The following RANBP2 variants were observed in gnomAD, a reference collection of about 807,000 sequenced individuals.
RANBP2 encodes RAN binding protein 2, also known as E3 SUMO-protein ligase RanBP2.
A neutral mutation model predicts 303.6 loss-of-function variants in RANBP2; 57 were observed. The ratio of observed to expected loss-of-function variants is 0.19; its 90% CI spans 0.15 to 0.23. The LOEUF (loss-of-function observed/expected upper bound fraction) is 0.23, where lower values mean the gene tolerates loss of function less well. RANBP2 is among the 10% of genes least tolerant of loss of function. RANBP2 has a pLI of 1.00. For missense variants in RANBP2, 3,138 were observed against 3,780.8 expected (o/e 0.83, Z 4.46); for synonymous variants, 1,167 against 1,301.5 (o/e 0.90, Z 2.23).
the RANBP2 span, among the ~76,000 whole-genome samples, chr2:109,041,017 C>G: frequency 1.3e-5 from 2 of 150,944 alleles, no homozygotes; most frequent in Non-Finnish European, 3.0e-5. Context: ...GATTGCGCCA[C>G]TGCACTCCAG....
chr2:109,701,837 C>T, the RANBP2 span, among the ~76,000 whole-genome samples: 1 of 152,314 alleles, frequency 6.6e-6, no homozygotes, highest in African/African-American at 2.4e-5. Context: ...CCTTTCACAA[C>T]CTTTACTTGA....
chr2:108,757,790 G>A (rs370440471), intron 17 of RANBP2, among the ~76,000 whole-genome samples: 2 of 152,268 alleles, frequency 1.3e-5, no homozygotes, highest in East Asian at 1.9e-4. Flanking sequence ...TGTCTTGGCT[G>A]GAGGTGAACG....
chr2:108,829,116 C>T, the RANBP2 span, among the ~76,000 whole-genome samples: 1 of 152,090 alleles, frequency 6.6e-6, no homozygotes, highest in East Asian at 1.9e-4. Context: ...ACATCAAAAG[C>T]ACAAGCAATA....
At chr2:109,351,669 G>A in the RANBP2 span, among the ~76,000 whole-genome samples, 1 of 152,240 alleles carries the variant, frequency 6.6e-6, no homozygotes, top group Admixed American at 6.5e-5. Context: ...TTCTCAGAGA[G>A]TGCCCGCTGA....
intron 18 of RANBP2, among the ~76,000 whole-genome samples, chr2:108,760,548 C>T (rs1676654967): frequency 2.0e-5 from 3 of 152,110 alleles, no homozygotes; most frequent in Admixed American, 2.0e-4. Flanking sequence ...CCACTAGTAT[C>T]TGATAGTGCC....
the RANBP2 span, among the ~76,000 whole-genome samples, chr2:109,331,836 G>GC: frequency 6.6e-6 from 1 of 152,106 alleles, no homozygotes; most frequent in Admixed American, 6.5e-5. Flanking sequence ...TTTGCCAGGG[G>GC]CACCCTGTCA....
At chr2:109,111,065 T>A in the RANBP2 span, among the ~76,000 whole-genome samples, 206 of 152,294 alleles carry the variant, frequency 1.4e-3, no homozygotes, top group Non-Finnish European at 1.5e-3. Flanking sequence ...AGCAGTACCC[T>A]AGCTAGTGCA....
chr2:108,974,329 C>CAAAAAAAAA, the RANBP2 span, among the ~76,000 whole-genome samples: 1 of 61,496 alleles, frequency 1.6e-5, no homozygotes, highest in Non-Finnish European at 2.7e-5. Context: ...GGATCCGTCT[C>CAAAAAAAAA]AAAAAAAAAA....
chr2:109,514,570 G>A, the RANBP2 span, among the ~76,000 whole-genome samples: 3 of 152,210 alleles, frequency 2.0e-5, no homozygotes. Context: ...TGTGGGACCA[G>A]GGCCGTCCCT....
the RANBP2 span, chr2:109,141,355 C>T: frequency 2.0e-5 from 3 of 152,624 alleles, no homozygotes; most frequent in African/African-American, 7.2e-5. Context: ...GCCTGGGTCC[C>T]TCTTCCTCCA....
chr2:108,982,100 C>G, the RANBP2 span, among the ~76,000 whole-genome samples: 1 of 152,240 alleles, frequency 6.6e-6, no homozygotes, highest in South Asian at 2.1e-4. Context: ...CCTATTTCCT[C>G]CTTTCAATGC....
At chr2:109,218,065 G>T in the RANBP2 span, among the ~76,000 whole-genome samples, 1 of 152,128 alleles carries the variant, frequency 6.6e-6, no homozygotes, top group East Asian at 1.9e-4. Flanking sequence ...TGCGGGGAGG[G>T]GTGCTGTGTT....
At chr2:108,941,631 G>A in the RANBP2 span, among the ~76,000 whole-genome samples, 3,601 of 152,292 alleles carry the variant, frequency 0.024, 79 homozygotes, top group African/African-American at 0.057. Flanking sequence ...CCTTGGCCCA[G>A]AGGCACCCAG....
chr2:108,753,759 C>T (rs1250644468), intron 14 of RANBP2, 66 bp from the exon 15 acceptor site: 40 of 1,610,940 alleles, frequency 2.5e-5, no homozygotes, highest in South Asian at 7.7e-5. Flanking sequence ...AGCCACCATG[C>T]GTGGCCAAGC....
At chr2:109,396,471 C>T in the RANBP2 span, among the ~76,000 whole-genome samples, 3 of 152,254 alleles carry the variant, frequency 2.0e-5, no homozygotes, top group Non-Finnish European at 2.9e-5. Context: ...AGCCACCCTG[C>T]TCCTGTGATC....
chr2:108,994,937 C>G, the RANBP2 span, among the ~76,000 whole-genome samples: 1 of 150,234 alleles, frequency 6.7e-6, no homozygotes, highest in Non-Finnish European at 1.5e-5. Flanking sequence ...TCACGCCATT[C>G]TCCTGCCTCA....
At chr2:109,266,163 A>G in the RANBP2 span, among the ~76,000 whole-genome samples, 2 of 136,190 alleles carry the variant, frequency 1.5e-5, no homozygotes, top group East Asian at 2.2e-4. Flanking sequence ...TGTGTTGTGT[A>G]TGGTGTGTGT....
At chr2:109,012,688 G>A in the RANBP2 span, among the ~76,000 whole-genome samples, 2 of 152,224 alleles carry the variant, frequency 1.3e-5, no homozygotes, top group African/African-American at 4.8e-5. Flanking sequence ...GCCGAGGCGG[G>A]TGGATCACGA....
At chr2:109,301,568 C>T in the RANBP2 span, among the ~76,000 whole-genome samples, 4 of 152,316 alleles carry the variant, frequency 2.6e-5, no homozygotes, top group East Asian at 7.7e-4. Context: ...CAGCCTCTGA[C>T]AGCCTAGTGT....
Sources: gnomAD v4.1 joint callset for allele counts (sites outside exome capture counted in the v4.1 genomes callset) on GRCh38, gnomAD v4.1.1 for gene constraint, MANE v1.5 for transcripts, NCBI Gene and HGNC (gene_info 2026-07-23, HGNC 2026-07-21) for gene names.